The following DSCAM variants were observed in gnomAD, a reference collection of about 807,000 sequenced individuals.
DSCAM encodes DS cell adhesion molecule.
A neutral mutation model predicts 217.7 loss-of-function variants in DSCAM; 47 were observed. The observed-to-expected ratio is 0.22, with a 90% confidence interval of 0.17 to 0.28. The LOEUF (loss-of-function observed/expected upper bound fraction) is 0.28, where lower values mean the gene tolerates loss of function less well. Ranked by LOEUF, DSCAM falls within the 10% of genes least tolerant of loss-of-function variation. DSCAM has a pLI of 1.00. For synonymous variants in DSCAM, 1,056 were observed against 1,015.3 expected (o/e 1.04, Z -0.76); for missense variants, 2,080 against 2,618.3 (o/e 0.79, Z 4.49).
chr21:40,749,229 T>C (rs2091204089), intron 1 of DSCAM, among the ~76,000 whole-genome samples: 1 of 152,140 alleles, frequency 6.6e-6, no homozygotes, highest in Non-Finnish European at 1.5e-5. Flanking sequence ...AATGGAATTA[T>C]ATCAAATTAA....
At chr21:40,634,362 T>C (rs2089728316) in intron 3 of DSCAM, among the ~76,000 whole-genome samples, 1 of 152,212 alleles carries the variant, frequency 6.6e-6, no homozygotes, top group Admixed American at 6.5e-5. Flanking sequence ...AGGGACTTTG[T>C]GACGGAACCG....
At chr21:40,473,459 T>G (rs991365931) in intron 3 of DSCAM, among the ~76,000 whole-genome samples, 1 of 152,204 alleles carries the variant, frequency 6.6e-6, no homozygotes, top group Non-Finnish European at 1.5e-5. Context: ...TCCAACATGA[T>G]AGACTGCGGA....
intron 3 of DSCAM, among the ~76,000 whole-genome samples, chr21:40,428,924 C>T (rs1383967412): frequency 6.6e-6 from 1 of 152,068 alleles, no homozygotes; most frequent in East Asian, 1.9e-4. Flanking sequence ...TGTATGAAAA[C>T]TTTGCATTTT....
intron 20 of DSCAM, among the ~76,000 whole-genome samples, chr21:40,119,344 G>A (rs949603557): frequency 3.9e-5 from 6 of 152,146 alleles, no homozygotes; most frequent in Admixed American, 1.3e-4. Flanking sequence ...TTGTTAGATC[G>A]TAAGCTAAAT....
chr21:40,294,042 T>C (rs898080450), intron 10 of DSCAM, among the ~76,000 whole-genome samples: 29 of 152,338 alleles, frequency 1.9e-4, no homozygotes, highest in Non-Finnish European at 7.3e-5. Flanking sequence ...CTTTGAGTGA[T>C]GTTATTGGGG....
At chr21:40,408,977 T>C (rs1880684140) in intron 3 of DSCAM, among the ~76,000 whole-genome samples, 1 of 152,248 alleles carries the variant, frequency 6.6e-6, no homozygotes, top group African/African-American at 2.4e-5. Flanking sequence ...AGGTAATGTG[T>C]GGTTATCTTT....
intron 3 of DSCAM, among the ~76,000 whole-genome samples, chr21:40,470,778 T>C (rs1330575448): frequency 6.6e-6 from 1 of 152,152 alleles, no homozygotes; most frequent in African/African-American, 2.4e-5. Context: ...GGTCTTGAAC[T>C]CCTGGACTAA....
intron 11 of DSCAM, among the ~76,000 whole-genome samples, chr21:40,195,145 G>A (rs1399247062): frequency 6.6e-6 from 1 of 152,114 alleles, no homozygotes; most frequent in African/African-American, 2.4e-5. Context: ...GTAATTCAGT[G>A]ATAAATTGAT....
chr21:40,505,233 T>C (rs2076200976), intron 3 of DSCAM, among the ~76,000 whole-genome samples: 1 of 152,226 alleles, frequency 6.6e-6, no homozygotes, highest in East Asian at 1.9e-4. Context: ...GACAGGCAGC[T>C]GGGTTCAAAA....
intron 1 of DSCAM, among the ~76,000 whole-genome samples, chr21:40,831,522 C>T (rs1174314639): frequency 6.6e-6 from 1 of 152,194 alleles, no homozygotes; most frequent in African/African-American, 2.4e-5. Flanking sequence ...TGATACAAAA[C>T]TCACAATTTC....
chr21:40,413,141 G>C (rs1244781720), intron 3 of DSCAM, among the ~76,000 whole-genome samples: 1 of 152,210 alleles, frequency 6.6e-6, no homozygotes, highest in Non-Finnish European at 1.5e-5. Flanking sequence ...TTGCTGCAGG[G>C]GCAGGGCCCT....
rs58427418 is a variant in DSCAM, at chr21:40,525,009, C to CAAAAAAAAAAAAAAAA, written c.509-155780_509-155765dup. Among the ~76,000 whole-genome samples the CAAAAAAAAAAAAAAAA allele has an allele frequency of 4.6e-3, 256 of 56,030 alleles. 6 individuals are homozygous for CAAAAAAAAAAAAAAAA. Among genetic ancestry groups the CAAAAAAAAAAAAAAAA allele is most frequent in the Middle Eastern group, 0.012 (1 of 86 alleles). The allele number at this position is 56,030 out of a possible 152,430, so 36.8% of individuals were successfully genotyped here. A position where few individuals can be genotyped will look rare whatever the true frequency, so the allele number is the denominator to read the frequency against. ...TGGGCAACAGAGTGAGACTCAGTCT[C>CAAAAAAAAAAAAAAAA]AAAAAAAAAAAAAAAAAAAAAATCC... is the stretch of plus-strand genomic sequence containing the variant. On this transcript the variant is annotated intron_variant, in intron 3 of 32. Transcript: ENST00000400454.
chr21:40,199,744 G>A (rs1425948978), intron 11 of DSCAM, among the ~76,000 whole-genome samples: 1 of 152,038 alleles, frequency 6.6e-6, no homozygotes, highest in African/African-American at 2.4e-5. Flanking sequence ...GTGGACACAG[G>A]GAGGGGAACA....
intron 8 of DSCAM, among the ~76,000 whole-genome samples, chr21:40,337,425 A>C (rs2074439729): frequency 6.6e-6 from 1 of 152,246 alleles, no homozygotes; most frequent in Non-Finnish European, 1.5e-5. Flanking sequence ...AGAATAGAAG[A>C]AATGAGTCTT....
intron 1 of DSCAM, among the ~76,000 whole-genome samples, chr21:40,759,979 ATTTATTTAT>A (rs2091314997): frequency 7.5e-6 from 1 of 134,222 alleles, no homozygotes; most frequent in South Asian, 2.2e-4. Flanking sequence ...TTATTTATTT[ATTTATTTAT>A]TTATTTATTT....
intron 27 of DSCAM, among the ~76,000 whole-genome samples, chr21:40,065,111 A>G (rs1210175524): frequency 1.3e-5 from 2 of 152,186 alleles, no homozygotes; most frequent in African/African-American, 2.4e-5. Flanking sequence ...CCAGGTGTAC[A>G]GTGGGACAAG....
chr21:40,358,182 T>G (rs990913602), intron 4 of DSCAM, among the ~76,000 whole-genome samples: 1 of 152,202 alleles, frequency 6.6e-6, no homozygotes, highest in African/African-American at 2.4e-5. Flanking sequence ...AAATCAACTC[T>G]CAATGACTGC....
At chr21:40,143,794 A>C (rs543055630) in intron 17 of DSCAM, among the ~76,000 whole-genome samples, 2 of 152,328 alleles carry the variant, frequency 1.3e-5, no homozygotes, top group Admixed American at 6.5e-5. Flanking sequence ...CCGTCTCAAA[A>C]AAAAATCTAT....
chr21:40,192,062 C>T (rs940598740), intron 11 of DSCAM, among the ~76,000 whole-genome samples: 5 of 152,092 alleles, frequency 3.3e-5, no homozygotes, highest in African/African-American at 1.2e-4. Context: ...TTTATATTAT[C>T]CAGTACATAT....
Sources: gnomAD v4.1 joint callset for allele counts (sites outside exome capture counted in the v4.1 genomes callset) on GRCh38, gnomAD v4.1.1 for gene constraint, MANE v1.5 for transcripts, NCBI Gene and HGNC (gene_info 2026-07-23, HGNC 2026-07-21) for gene names.